BPTF: variants seen among roughly 807,000 people sequenced by gnomAD.
BPTF encodes the protein bromodomain PHD finger transcription factor.
BPTF carries 18 observed loss-of-function variants against 292.5 expected under a neutral mutation model. The observed-to-expected ratio is 0.06, with a 90% CI of 0.04 to 0.09. The LOEUF is 0.09. Ranked by LOEUF, BPTF falls within the 10% of genes least tolerant of loss-of-function variation. BPTF has a pLI of 1.00. For missense variants in BPTF, 2,726 were observed against 3,498.7 expected (o/e 0.78, Z 5.57); for synonymous variants, 1,225 against 1,251.9 (o/e 0.98, Z 0.45).
intron 15 of BPTF, among the ~76,000 whole-genome samples, chr17:67,925,489 C>A (rs1008340789): frequency 2.0e-5 from 3 of 151,856 alleles, no homozygotes; most frequent in African/African-American, 4.8e-5. Context: ...CATAGGGAGA[C>A]CCTGTCTCTA....
chr17:67,934,663 A>G (rs2064752481), intron 18 of BPTF, among the ~76,000 whole-genome samples: 1 of 151,432 alleles, frequency 6.6e-6, no homozygotes, highest in Non-Finnish European at 1.5e-5. Flanking sequence ...CACAAGGTCA[A>G]GAGATCAAAA....
intron 26 of BPTF, among the ~76,000 whole-genome samples, chr17:67,969,441 A>AAC (rs782623728): frequency 1.5e-5 from 2 of 134,012 alleles, no homozygotes; most frequent in Non-Finnish European, 3.2e-5. Flanking sequence ...AACAGAGAAA[A>AAC]ACTCTGTCTC....
chr17:67,907,357 A>G (rs943685315), intron 9 of BPTF, among the ~76,000 whole-genome samples: 4 of 147,184 alleles, frequency 2.7e-5, no homozygotes, highest in Admixed American at 2.7e-4. Context: ...AAAGTTTATC[A>G]CTTTTTTTTT....
chr17:67,912,384 C>T lies in BPTF; in HGVS notation c.4500C>T (p.Ser1500=), dbSNP rs375070328. The part of the protein sequence containing the change: ...SSDAEGNYRD[S]LETLPSTKES... ...ATGCTGAAGGTAACTACCGAGATAG[C>T]CTTGAGACCCTGCCATCAACCAAAG... Residue 1500 remains serine, a synonymous_variant, in exon 11 of 28, where the codon AGC becomes AGT. Transcript: ENST00000306378. 1 of 1,614,042 alleles carries T rather than the reference C, an allele frequency of 6.2e-7. No homozygotes were observed. Among genetic ancestry groups the T allele is most frequent in the Non-Finnish European group, 8.5e-7 (1 of 1,180,002 alleles).
chr17:67,961,565 T>C (rs1464185028), intron 24 of BPTF, among the ~76,000 whole-genome samples: 1 of 152,102 alleles, frequency 6.6e-6, no homozygotes, highest in Non-Finnish European at 1.5e-5. Flanking sequence ...AAGAAAAAAG[T>C]GCTGGGCACC....
At chr17:67,843,514 G>A (rs1053467174) in intron 1 of BPTF, among the ~76,000 whole-genome samples, 1 of 148,616 alleles carries the variant, frequency 6.7e-6, no homozygotes, top group Non-Finnish European at 1.5e-5. Context: ...GACTTTGAAT[G>A]TATGTAGATA....
intron 2 of BPTF, among the ~76,000 whole-genome samples, chr17:67,857,194 C>T (rs1300721013): frequency 8.1e-6 from 1 of 122,870 alleles, no homozygotes; most frequent in African/African-American, 2.9e-5. Flanking sequence ...CTTGCTCTGT[C>T]GCCCAGGCTG....
intron 14 of BPTF, 66 bp downstream of exon 14, chr17:67,923,056 CTTTT>C (rs1204420514): frequency 1.4e-3 from 1,668 of 1,200,042 alleles, no homozygotes; most frequent in Middle Eastern, 2.6e-3. Flanking sequence ...CAATAAATTA[CTTTT>C]TTTTTTTTTT....
chr17:67,964,383 G>A lies in BPTF; in HGVS notation c.8433G>A (p.Lys2811=). The change falls in exon 25 of 28, where the codon AAG becomes AAA. Residue 2811 remains lysine (K), a synonymous_variant. Coordinates refer to ENST00000306378, the MANE Select transcript of BPTF (RefSeq NM_182641.4). The part of the protein sequence containing the change: ...PLTEKDYEGL[K]RVLRSLQAHK... ...CAGAGAAGGATTATGAGGGGTTGAA[G>A]AGGGTGCTCCGTTCCTTACAGGTGA... is the stretch of plus-strand genomic sequence containing the variant. 1 of 1,614,060 alleles carries A rather than the reference G, an allele frequency of 6.2e-7. No individual in the cohort carries two copies. The highest frequency in any genetic ancestry group is 8.5e-7 in the Non-Finnish European group (1 of 1,179,930).
intron 18 of BPTF, among the ~76,000 whole-genome samples, chr17:67,937,235 C>T (rs1167023346): frequency 1.3e-5 from 2 of 152,028 alleles, no homozygotes; most frequent in Admixed American, 6.6e-5. Context: ...GCGGGTGGAT[C>T]GCCTGAGGTC....
At position 67,913,138 on chromosome 17, in the gene BPTF, G is replaced by A; in HGVS notation, c.5254G>A (p.Asp1752Asn). Residue 1752 changes from aspartate (D) to asparagine (N), a missense_variant, in exon 11 of 28, where the codon GAT becomes AAT. Physicochemically the swap from Asp to Asn is conservative, Grantham distance 23 (BLOSUM62 1). Around this residue, in one of 22 missense-constraint regions of BPTF, gnomAD observed 36 missense variants for 34.7 expected, o/e 1.04. Coordinates refer to ENST00000306378, the MANE Select transcript of BPTF (RefSeq NM_182641.4). ...YFNYNAKPAL[D>N]IWPYPSPRPT... ...TAATTACAATGCAAAACCTGCTTTG[G>A]ATATATGGCCATATCCTTCTCCTAG... The A allele has an allele frequency of 6.2e-7, 1 of 1,613,918 alleles. No homozygotes were observed. The highest frequency in any genetic ancestry group is 8.5e-7 in the Non-Finnish European group (1 of 1,179,942).
Position 67,945,951 on chromosome 17 carries a change from G to A in BPTF, c.7243G>A (p.Val2415Ile). 2 of 1,614,152 alleles carry A rather than the reference G, an allele frequency of 1.2e-6. No homozygotes were observed. The highest frequency in any genetic ancestry group is 1.7e-6 in the Non-Finnish European group (2 of 1,180,030). ...SSGQTLNQVT[V>I]SSPSRPQLQI... The stretch of plus-strand genomic sequence containing the variant: ...AGGACAAACTTTAAATCAAGTTACT[G>A]TTTCATCCCCATCCCGTCCTCAGCT... The change falls in exon 21 of 28, where the codon GTT becomes ATT. Residue 2415 changes from valine to isoleucine, a missense_variant. Physicochemically the swap from Val to Ile is conservative, Grantham distance 29. Transcript: ENST00000306378.
intron 11 of BPTF, among the ~76,000 whole-genome samples, chr17:67,917,851 G>A (rs745927552): frequency 5.9e-5 from 9 of 151,802 alleles, no homozygotes; most frequent in Middle Eastern, 3.4e-3. Context: ...TCGCTCTGTC[G>A]CCTAGGCTGG....
intron 2 of BPTF, among the ~76,000 whole-genome samples, chr17:67,858,542 G>A (rs566828036): frequency 1.1e-4 from 15 of 137,116 alleles, no homozygotes; most frequent in Non-Finnish European, 2.1e-4. Flanking sequence ...GTGATGGAGT[G>A]AGACTCTGTC....
At chr17:67,958,913 G>A (rs1006599760) in intron 23 of BPTF, among the ~76,000 whole-genome samples, 1 of 152,206 alleles carries the variant, frequency 6.6e-6, no homozygotes, top group African/African-American at 2.4e-5. Flanking sequence ...GTTGCAGTGA[G>A]CTGAGATTGC....
At chr17:67,972,903 C>G (rs566943463) in intron 26 of BPTF, among the ~76,000 whole-genome samples, 1 of 151,798 alleles carries the variant, frequency 6.6e-6, no homozygotes, top group African/African-American at 2.4e-5. Flanking sequence ...CCTACAGCAT[C>G]GATGTGCCAA....
At chr17:67,947,923 C>A in intron 22 of BPTF, 115 bp downstream of exon 22, 1 of 1,242,986 alleles carries the variant, frequency 8.0e-7, no homozygotes, top group Non-Finnish European at 1.1e-6. Flanking sequence ...AATGAGAACA[C>A]TTGGCACTAA....
intron 7 of BPTF, among the ~76,000 whole-genome samples, chr17:67,897,896 C>T (rs2061556183): frequency 6.6e-6 from 1 of 152,006 alleles, no homozygotes; most frequent in African/African-American, 2.4e-5. Flanking sequence ...GCCCTGTCTT[C>T]TTTATTAATA....
Position 67,938,735 on chromosome 17 carries a change from A to G in BPTF, c.6260-1704A>G, listed in dbSNP as rs551140763. On this transcript the variant is annotated intron_variant, in intron 18 of 27. Coordinates refer to ENST00000306378, the MANE Select transcript of BPTF (RefSeq NM_182641.4). ...ACTTTACAAGCAATAATTAAAGCCA[A>G]AATTTTTAAAAAGACTAGTCTGGCC... Among the ~76,000 whole-genome samples the G allele has an allele frequency of 2.0e-5, 3 of 152,358 alleles. No individual in the cohort carries two copies. The South Asian group carries it at 6.2e-4, about 32-fold the overall frequency.
Sources: gnomAD v4.1 joint callset for allele counts (sites outside exome capture counted in the v4.1 genomes callset) on GRCh38, gnomAD v4.1.1 for gene constraint, gnomAD v4.1.1 regional missense constraint, MANE v1.5 for transcripts, NCBI Gene and HGNC (gene_info 2026-07-23, HGNC 2026-07-21) for gene names.